The following FAM178B variants were observed in gnomAD, a reference collection of about 807,000 sequenced individuals.
FAM178B encodes the protein family with sequence similarity 178 member B.
FAM178B carries 82 observed loss-of-function variants against 91.7 expected under a neutral mutation model. The ratio of observed to expected loss-of-function variants is 0.89; its 90% CI spans 0.75 to 1.07. FAM178B has a LOEUF of 1.07. FAM178B is among the 50% of genes least tolerant of loss of function. The pLI, the probability that FAM178B is intolerant of heterozygous loss-of-function variation, is 0.00. For missense variants in FAM178B, 769 were observed against 846.7 expected, an observed-to-expected ratio of 0.91 and a Z score of 1.14; for synonymous variants, 368 against 359.4, an observed-to-expected ratio of 1.02 and a Z score of -0.27.
chr2:96,883,032 T>C (rs1474229203), intron 14 of FAM178B, among the ~76,000 whole-genome samples: 1 of 152,220 alleles, frequency 6.6e-6, no homozygotes, highest in African/African-American at 2.4e-5. Context: ...GGCTGGCTCT[T>C]CTGAGAAGTT....
At chr2:96,972,679 A>C in intron 1 of FAM178B, 73 bp from the exon 2 acceptor site, 2 of 1,412,262 alleles carry the variant, frequency 1.4e-6, no homozygotes, top group Non-Finnish European at 1.9e-6. Flanking sequence ...CGTGATTCCC[A>C]CAGAGGAGGG....
chr2:96,914,159 G>A (rs532300965), intron 12 of FAM178B, among the ~76,000 whole-genome samples: 1 of 152,374 alleles, frequency 6.6e-6, no homozygotes, highest in South Asian at 2.1e-4. Flanking sequence ...TACTCATGGG[G>A]AGGGCTGGTC....
Position 96,972,480 on chromosome 2 carries a change from C to A in FAM178B, c.142+58G>T, listed in dbSNP as rs188306856. 1.3e-3 allele frequency: 1,951 copies of A among 1,536,930 alleles called. 3 individuals are homozygous for A. Among genetic ancestry groups the A allele is most frequent in the Non-Finnish European group, 1.5e-3 (1,648 of 1,134,518 alleles). On this transcript the variant is annotated intron_variant, in intron 2 of 16. Transcript: ENST00000490605. ...AAATCCTTCAGCCATGGGCTCTCCA[C>A]TTCCTCTCGCCCCCAAACCTCAGTG...
intron 13 of FAM178B, among the ~76,000 whole-genome samples, chr2:96,901,086 G>C (rs555225722): frequency 6.6e-6 from 1 of 152,114 alleles, no homozygotes; most frequent in African/African-American, 2.4e-5. Flanking sequence ...TCATCACCCC[G>C]TGAAGTGACG....
chr2:96,897,797 A>G (rs1001747249), intron 13 of FAM178B: 1 of 183,008 alleles, frequency 5.5e-6, no homozygotes, highest in Admixed American at 6.5e-5. Context: ...TAAACGTTGT[A>G]TAAATCAGAT....
chr2:96,883,083 G>A (rs1412731345), intron 14 of FAM178B, among the ~76,000 whole-genome samples: 2 of 152,218 alleles, frequency 1.3e-5, no homozygotes, highest in Admixed American at 6.5e-5. Flanking sequence ...CAGCCTTCAA[G>A]GGGGCCGTGC....
chr2:96,904,648 C>T (rs2080997710), intron 12 of FAM178B, among the ~76,000 whole-genome samples: 1 of 150,876 alleles, frequency 6.6e-6, no homozygotes, highest in South Asian at 2.1e-4. Context: ...ACTGCCCTGG[C>T]CTCCCAAAGT....
At chr2:96,945,516 G>A (rs1330827972) in intron 8 of FAM178B, among the ~76,000 whole-genome samples, 2 of 152,142 alleles carry the variant, frequency 1.3e-5, no homozygotes, top group Non-Finnish European at 2.9e-5. Flanking sequence ...GTTTACATAT[G>A]AGAAGCGGCT....
chr2:96,970,839 G>GA (rs1316061555), intron 3 of FAM178B, 62 bp from the exon 4 acceptor site: 51 of 1,147,084 alleles, frequency 4.4e-5, no homozygotes, highest in Middle Eastern at 1.9e-4. Flanking sequence ...GGAGAAAAAA[G>GA]AAAAAAAACT....
At chr2:96,884,970 C>G (rs901724457) in intron 14 of FAM178B, among the ~76,000 whole-genome samples, 2 of 152,234 alleles carry the variant, frequency 1.3e-5, no homozygotes, top group African/African-American at 4.8e-5. Flanking sequence ...TCTTCCTAAC[C>G]TAGGGTCCCA....
At position 96,936,483 on chromosome 2, in the gene FAM178B, A is replaced by G. The variant is rs1455248955; in HGVS notation, c.1079-7163T>C. On this transcript the variant is annotated intron_variant, in intron 8 of 16. Coordinates refer to ENST00000490605, the MANE Select transcript of FAM178B (RefSeq NM_001122646.3). The stretch of plus-strand genomic sequence containing the variant: ...CCCAAAGTGCTGGATTACAGGCGTG[A>G]GCCACCACGCCCGGGTTTTTTTTTT... 7.5e-5 allele frequency among the ~76,000 whole-genome samples: 11 copies of G among 147,454 alleles called. No homozygotes were observed. In the South Asian group the frequency reaches 1.9e-3, roughly 26 times the overall value.
At chr2:96,969,054 CGGGTT>C (rs2082183116) in intron 4 of FAM178B, among the ~76,000 whole-genome samples, 1 of 152,158 alleles carries the variant, frequency 6.6e-6, no homozygotes, top group Non-Finnish European at 1.5e-5. Flanking sequence ...TTTCCGACTC[CGGGTT>C]AAGTTAGGTG....
chr2:96,900,202 A>G (rs1379928268), intron 13 of FAM178B, among the ~76,000 whole-genome samples: 1 of 151,804 alleles, frequency 6.6e-6, no homozygotes, highest in Non-Finnish European at 1.5e-5. Flanking sequence ...CCTCCCAGGC[A>G]CCCCATCTTG....
In FAM178B at chr2:96,986,426, C is replaced by T. The variant is rs1355542917; in HGVS notation, c.-113G>A. 4 of 1,317,170 alleles carry T rather than the reference C, an allele frequency of 3.0e-6. No homozygotes were observed. The highest frequency in any genetic ancestry group is 3.0e-5 in the African/African-American group (2 of 66,732). The allele number at this position is 1,317,170 out of a possible 1,614,324, so 81.6% of individuals were successfully genotyped here. ...AAGCAGGAGCAGGCTCCCCAGGCGG[C>T]GCAGTGGGAGGACCCCAAGAGTTGC... is the stretch of plus-strand genomic sequence containing the variant. On this transcript the variant is annotated 5_prime_UTR_variant, in exon 1 of 17. Coordinates refer to ENST00000490605, the MANE Select transcript of FAM178B (RefSeq NM_001122646.3).
intron 13 of FAM178B, among the ~76,000 whole-genome samples, chr2:96,894,291 C>G (rs1303107410): frequency 6.6e-6 from 1 of 151,462 alleles, no homozygotes; most frequent in African/African-American, 2.4e-5. Flanking sequence ...CCCAGCTCCC[C>G]CACGCCCCAC....
At chr2:96,905,150 T>G (rs1270856102) in intron 12 of FAM178B, among the ~76,000 whole-genome samples, 3 of 152,172 alleles carry the variant, frequency 2.0e-5, no homozygotes, top group Non-Finnish European at 4.4e-5. Flanking sequence ...CATGTTTCAT[T>G]TCTTGACCTG....
intron 6 of FAM178B, among the ~76,000 whole-genome samples, chr2:96,959,928 G>A (rs548294358): frequency 6.6e-6 from 1 of 152,184 alleles, no homozygotes; most frequent in Admixed American, 6.5e-5. Context: ...GGCCCATCAC[G>A]TGCCCTCGAT....
At chr2:96,952,280 A>T (rs997932723) in intron 6 of FAM178B, among the ~76,000 whole-genome samples, 10 of 152,224 alleles carry the variant, frequency 6.6e-5, no homozygotes, top group African/African-American at 2.2e-4. Flanking sequence ...AAGACCGGAA[A>T]ATAACAGAAA....
At chr2:96,947,535 C>T (rs1022666875) in intron 8 of FAM178B, among the ~76,000 whole-genome samples, 3 of 152,202 alleles carry the variant, frequency 2.0e-5, no homozygotes, top group African/African-American at 7.2e-5. Context: ...TCAGTCTGAA[C>T]CCACTGTCCT....
Sources: gnomAD v4.1 joint callset for allele counts (sites outside exome capture counted in the v4.1 genomes callset) on GRCh38, gnomAD v4.1.1 for gene constraint, MANE v1.5 for transcripts, NCBI Gene and HGNC (gene_info 2026-07-23, HGNC 2026-07-21) for gene names.